PRMT9: variants seen among roughly 807,000 people sequenced by gnomAD.
The protein encoded by PRMT9 is protein arginine methyltransferase 9, also known as protein arginine N-methyltransferase 9.
A neutral mutation model predicts 83.2 loss-of-function variants in PRMT9; 59 were observed. That is an observed-to-expected ratio of 0.71 (90% confidence interval 0.57 to 0.88). PRMT9 has a LOEUF of 0.88. Among genes scored for constraint, PRMT9 ranks in the 40% least tolerant of loss-of-function variants. The pLI is 0.00. For missense variants in PRMT9, 947 were observed against 1,021.9 expected (o/e 0.93, Z 1.00); for synonymous variants, 333 against 353.2 (o/e 0.94, Z 0.64).
intron 2 of PRMT9, among the ~76,000 whole-genome samples, chr4:147,678,404 C>T (rs1578942427): frequency 2.0e-5 from 3 of 152,322 alleles, no homozygotes; most frequent in South Asian, 4.1e-4. Context: ...CACTCTGAAA[C>T]GTTCAAACTC....
rs763201418 is a variant in PRMT9 at position 147,680,361 on chromosome 4, A to G, written c.300T>C (p.Asp100=). ...CCCCCATACTATTGCAAATCACTTC[A>G]TCATCAGGAAACAGTTCCAAGGCCT... The part of the protein sequence containing the change: ...YEQALELFPD[D]EVICNSMGEH... The change falls in exon 2 of 12, where the codon GAT becomes GAC. Residue 100 remains aspartate, a synonymous_variant. Transcript: ENST00000322396. 6.2e-7 allele frequency: 1 copy of G among 1,614,176 alleles called. No individual in the cohort carries two copies. The highest frequency in any genetic ancestry group is 8.5e-7 in the Non-Finnish European group (1 of 1,180,006).
Position 147,683,824 on chromosome 4 carries a change from G to A in PRMT9, c.164C>T (p.Ala55Val), listed in dbSNP as rs765123258. The A allele has an allele frequency of 4.0e-5, 64 of 1,599,196 alleles. 2 individuals are homozygous for A. The South Asian group carries it at 6.3e-4, about 16-fold the overall frequency. ...YAHYLLVLSL[A>V]PELKHDVKET... ...CTTCACGTCGTGTTTCAGCTCCGGC[G>A]CCAGGCTGAGCACGAGGAGGTAGTG... Residue 55 changes from alanine (A) to valine (V), a missense_variant, in exon 1 of 12, where the codon GCG becomes GTG. Physicochemically the swap from Ala to Val is moderately conservative, Grantham distance 64. Coordinates refer to ENST00000322396, the MANE Select transcript of PRMT9 (RefSeq NM_138364.4).
At chr4:147,670,525 C>A in intron 5 of PRMT9, 116 bp downstream of exon 5, 1 of 822,910 alleles carries the variant, frequency 1.2e-6, no homozygotes, top group South Asian at 1.4e-5. Context: ...ACAGTATGTA[C>A]ACCTTGGCAA....
At chr4:147,638,920 A>G in intron 11 of PRMT9, 40 bp downstream of exon 11, 1 of 1,578,758 alleles carries the variant, frequency 6.3e-7, no homozygotes, top group Non-Finnish European at 8.7e-7. Flanking sequence ...TAATTATTCT[A>G]AACAATAACA....
chr4:147,653,095 C>T (rs1013351510), intron 9 of PRMT9, among the ~76,000 whole-genome samples: 1 of 152,152 alleles, frequency 6.6e-6, no homozygotes, highest in Non-Finnish European at 1.5e-5. Context: ...CTAGCCTTTT[C>T]AACTCAGAGA....
chr4:147,640,564 T>C (rs752916440), intron 10 of PRMT9, among the ~76,000 whole-genome samples: 18 of 152,134 alleles, frequency 1.2e-4, no homozygotes, highest in Admixed American at 2.0e-4. Context: ...CAGAGCTTTC[T>C]CTGAATTCTT....
At chr4:147,658,366 A>C (rs1277936591) in intron 7 of PRMT9, among the ~76,000 whole-genome samples, 1 of 151,816 alleles carries the variant, frequency 6.6e-6, no homozygotes, top group Non-Finnish European at 1.5e-5. Flanking sequence ...AGTGAGAAAG[A>C]GAGAGAGTGA....
chr4:147,638,679 C>T lies in PRMT9; in HGVS notation c.2391G>A (p.Glu797=), dbSNP rs374924299. 3 of 1,613,628 alleles carry T rather than the reference C, an allele frequency of 1.9e-6. No individual in the cohort carries two copies. Among genetic ancestry groups the T allele is most frequent in the African/African-American group, 1.3e-5 (1 of 74,898 alleles). Residue 797 remains glutamate, a synonymous_variant, in exon 12 of 12, where the codon GAG becomes GAA. Transcript: ENST00000322396. ...CTTCACTTGAAGTATCCAACCTAAT[C>T]TCTTCATCAAGGTACATATGATACC... ...PFWYHMYLDE[E]IRLDTSSEAS... is the part of the protein sequence containing the mutation.
chr4:147,642,793 C>T lies in PRMT9; in HGVS notation c.2193G>A (p.Gln731=). ...TTCTCCTCTAGACACTTACCTGAAA[C>T]TGGTTAATAAAAGGTGCTATATTTA... ...LGLNIAPFIN[Q]FQVPIRVFLD... is the part of the protein sequence containing the mutation. The change falls in exon 10 of 12, where the codon CAG becomes CAA. Residue 731 remains glutamine, a synonymous_variant. Transcript: ENST00000322396. The T allele has an allele frequency of 6.2e-7, 1 of 1,613,494 alleles. No individual in the cohort carries two copies. Among genetic ancestry groups the T allele is most frequent in the Non-Finnish European group, 8.5e-7 (1 of 1,179,444 alleles).
intron 6 of PRMT9, among the ~76,000 whole-genome samples, chr4:147,662,873 C>A (rs1229121812): frequency 1.3e-5 from 2 of 152,032 alleles, no homozygotes; most frequent in Non-Finnish European, 2.9e-5. Context: ...CTACTCCAAC[C>A]TCATCTCACC....
At chr4:147,673,528 G>T in intron 3 of PRMT9, 110 bp downstream of exon 3, 1 of 809,468 alleles carries the variant, frequency 1.2e-6, no homozygotes, top group Non-Finnish European at 2.1e-6. Context: ...ACCCTAACAA[G>T]ATTATAAGAA....
intron 6 of PRMT9, among the ~76,000 whole-genome samples, chr4:147,663,078 G>A (rs927709287): frequency 2.0e-5 from 3 of 149,098 alleles, no homozygotes; most frequent in East Asian, 2.0e-4. Flanking sequence ...GCACAATCTC[G>A]GCTCACTGCA....
rs552399598 is a variant in PRMT9 at position 147,660,917 on chromosome 4, G to C, written c.1075C>G (p.Arg359Gly). The C allele has an allele frequency of 3.1e-6, 5 of 1,613,336 alleles. No individual in the cohort carries two copies. The highest frequency in any genetic ancestry group is 3.4e-6 in the Non-Finnish European group (4 of 1,179,404). ...AAAGCCAAATATCCTCCAGGAACTCGACTCATCTTTTCAGTTGTATAAGGT... is the reference window on the plus strand; with the variant it reads ...AAAGCCAAATATCCTCCAGGAACTCCACTCATCTTTTCAGTTGTATAAGGT... ...IEPYTTEKMSRVPGGYLALTE... is the reference protein window; with the variant it reads ...IEPYTTEKMSGVPGGYLALTE... Residue 359 changes from arginine to glycine, a missense_variant, in exon 7 of 12, where the codon CGA becomes GGA. Coordinates refer to ENST00000322396, the MANE Select transcript of PRMT9 (RefSeq NM_138364.4).
chr4:147,682,110 ATTC>A (rs1736509688), intron 1 of PRMT9, among the ~76,000 whole-genome samples: 1 of 152,176 alleles, frequency 6.6e-6, no homozygotes, highest in Admixed American at 6.5e-5. Flanking sequence ...AGTTCAAGCA[ATTC>A]TTCTGCGTCA....
chr4:147,662,070 G>A (rs565981678), intron 6 of PRMT9, among the ~76,000 whole-genome samples: 1 of 152,152 alleles, frequency 6.6e-6, no homozygotes, highest in African/African-American at 2.4e-5. Context: ...CCAAAAGAAT[G>A]TTCAAGAATG....
At chr4:147,640,060 TC>T (rs1733281294) in intron 10 of PRMT9, among the ~76,000 whole-genome samples, 1 of 111,982 alleles carries the variant, frequency 8.9e-6, no homozygotes, top group African/African-American at 3.2e-5. Flanking sequence ...TCCACTCCTG[TC>T]TTTTTTTTTT....
At chr4:147,640,427 C>T (rs779990111) in intron 10 of PRMT9, among the ~76,000 whole-genome samples, 1 of 152,050 alleles carries the variant, frequency 6.6e-6, no homozygotes, top group Non-Finnish European at 1.5e-5. Context: ...AAGCTCATAA[C>T]TTTATGAGTT....
chr4:147,660,866 C>T lies in PRMT9; in HGVS notation c.1126G>A (p.Val376Ile). The change falls in exon 7 of 12, where the codon GTA (valine) becomes ATA (isoleucine). Residue 376 changes from valine (V) to isoleucine (I), a missense_variant. Physicochemically the swap from Val to Ile is conservative, Grantham distance 29. Coordinates refer to ENST00000322396, the MANE Select transcript of PRMT9 (RefSeq NM_138364.4). The part of the protein sequence containing the change: ...ALTECFEIMT[V>I]DFNNLQELKS... Reference sequence around the variant, plus strand: ...TTCACCTGAAGGTTGTTGAAATCTACTGTCATAATTTCAAAGCACTCTGTC... The same window carrying T: ...TTCACCTGAAGGTTGTTGAAATCTATTGTCATAATTTCAAAGCACTCTGTC... The T allele has an allele frequency of 6.2e-7, 1 of 1,612,602 alleles. No individual in the cohort carries two copies. The highest frequency in any genetic ancestry group is 1.3e-5 in the African/African-American group (1 of 74,982).
rs1350992581 is a variant in PRMT9 at position 147,670,693 on chromosome 4, C to T, written c.794G>A (p.Gly265Glu). Reference sequence around the variant, plus strand: ...TGCATGAATCAAACTCTCCACAATTCCTTCTCCAAATAAACCTGCATCGAC... The same window carrying T: ...TGCATGAATCAAACTCTCCACAATTTCTTCTCCAAATAAACCTGCATCGAC... ...ETVDAGLFGE[G>E]IVESLIHAWE... is the part of the protein sequence containing the mutation. The change falls in exon 5 of 12, where the codon GGA becomes GAA. Residue 265 changes from glycine to glutamate, a missense_variant. Coordinates refer to ENST00000322396, the MANE Select transcript of PRMT9 (RefSeq NM_138364.4). 6.2e-7 allele frequency: 1 copy of T among 1,613,526 alleles called. No homozygotes were observed. Among genetic ancestry groups the T allele is most frequent in the Non-Finnish European group, 8.5e-7 (1 of 1,179,746 alleles).
Sources: gnomAD v4.1 joint callset for allele counts (sites outside exome capture counted in the v4.1 genomes callset) on GRCh38, gnomAD v4.1.1 for gene constraint, MANE v1.5 for transcripts, NCBI Gene and HGNC (gene_info 2026-07-23, HGNC 2026-07-21) for gene names.